AHCTF1: variants seen among roughly 807,000 people sequenced by gnomAD.
AHCTF1 encodes AT-hook containing transcription factor 1.
A neutral mutation model predicts 248.4 loss-of-function variants in AHCTF1; 24 were observed. The ratio of observed to expected loss-of-function variants is 0.10; its 90% CI spans 0.07 to 0.14. AHCTF1 has a LOEUF of 0.14. Among genes scored for constraint, AHCTF1 ranks in the 10% least tolerant of loss-of-function variants. The pLI is 1.00. For missense variants in AHCTF1, 2,206 were observed against 2,636.2 expected (o/e 0.84, Z 3.57); for synonymous variants, 786 against 929.8 (o/e 0.85, Z 2.81).
intron 24 of AHCTF1, among the ~76,000 whole-genome samples, chr1:246,868,333 C>G (rs1324828161): frequency 6.8e-6 from 1 of 146,256 alleles, no homozygotes; most frequent in Non-Finnish European, 1.5e-5. Flanking sequence ...GTTGGCCAGG[C>G]TGGTCTTGAA....
rs774160147 is a variant in AHCTF1 at position 246,850,731 on chromosome 1, A to C, written c.5275T>G (p.Ser1759Ala). ...VNVKSAQQEA[S>A]ADVATPKMPG... ...ATCTTAGGAGTAGCAACATCTGCTG[A>C]TGCTTCCTGTTGTGCTGATTTGACA... The change falls in exon 33 of 36, where the codon TCA becomes GCA. Residue 1759 changes from serine to alanine, a missense_variant. Ser to Ala is a moderately conservative substitution (Grantham distance 99). Transcript: ENST00000648844. The C allele has an allele frequency of 3.7e-6, 6 of 1,613,838 alleles. No homozygotes were observed. Among genetic ancestry groups the C allele is most frequent in the Non-Finnish European group, 5.1e-6 (6 of 1,179,854 alleles).
At chr1:246,892,301 C>CTTTTTTTTT (rs74163502) in intron 14 of AHCTF1, among the ~76,000 whole-genome samples, 8 of 64,966 alleles carry the variant, frequency 1.2e-4, no homozygotes, top group African/African-American at 3.1e-4. Flanking sequence ...ATTTGTTTTA[C>CTTTTTTTTT]TTTTTTTTTT....
chr1:246,845,931 C>T (rs1660225747), intron 33 of AHCTF1, among the ~76,000 whole-genome samples: 1 of 150,850 alleles, frequency 6.6e-6, no homozygotes, highest in African/African-American at 2.4e-5. Flanking sequence ...TCTTACCAGC[C>T]AGTAGTAGCA....
intron 2 of AHCTF1, among the ~76,000 whole-genome samples, chr1:246,917,823 T>C (rs1315561553): frequency 6.6e-6 from 1 of 152,242 alleles, no homozygotes; most frequent in African/African-American, 2.4e-5. Flanking sequence ...CATTAAGATC[T>C]TATTCAGGTA....
At chr1:246,898,131 T>C in intron 12 of AHCTF1, 77 bp downstream of exon 12, 1 of 1,579,586 alleles carries the variant, frequency 6.3e-7, no homozygotes, top group Middle Eastern at 2.3e-4. Flanking sequence ...AGAAATTATC[T>C]AATACATTTT....
chr1:246,918,973 C>T (rs1666337411), intron 1 of AHCTF1, among the ~76,000 whole-genome samples: 1 of 152,006 alleles, frequency 6.6e-6, no homozygotes, highest in African/African-American at 2.4e-5. Context: ...TCACAGAAAC[C>T]CCAGAAATCA....
At chr1:246,855,638 A>G in intron 31 of AHCTF1, 92 bp downstream of exon 31, 1 of 1,007,166 alleles carries the variant, frequency 9.9e-7, no homozygotes, top group Non-Finnish European at 1.5e-6. Flanking sequence ...AAATCTGAAT[A>G]ACACAATAGA....
intron 1 of AHCTF1, among the ~76,000 whole-genome samples, chr1:246,921,264 T>C (rs1666531661): frequency 6.6e-6 from 1 of 152,136 alleles, no homozygotes; most frequent in South Asian, 2.1e-4. Flanking sequence ...CACAGTGGAT[T>C]TGAGAGAGAA....
At position 246,877,089 on chromosome 1, in the gene AHCTF1, G is replaced by C. The variant is rs944983565; in HGVS notation, c.2806-8C>G. 3 of 1,612,034 alleles carry C rather than the reference G, an allele frequency of 1.9e-6. No homozygotes were observed. Among genetic ancestry groups the C allele is most frequent in the African/African-American group, 2.7e-5 (2 of 74,854 alleles). On this transcript the variant is annotated splice_region_variant and splice_polypyrimidine_tract_variant and intron_variant, in intron 22 of 35. Coordinates refer to ENST00000648844, the MANE Select transcript of AHCTF1 (RefSeq NM_001323342.2). ...AAATTTCACTAAACATTCCTAAAAA[G>C]AACAAAATAGATTGTAAACTACCAA...
chr1:246,840,109 T>C lies in AHCTF1; in HGVS notation c.*697A>G, dbSNP rs1659751154. ...CCCTTTGTCAAACCCTTTGATAAGG[T>C]TGCAAGTGAGCAGTGAACCGGTCAA... On this transcript the variant is annotated 3_prime_UTR_variant, in exon 36 of 36. Coordinates refer to ENST00000648844, the MANE Select transcript of AHCTF1 (RefSeq NM_001323342.2). The C allele has an allele frequency of 6.6e-6, 1 of 152,626 alleles. No individual in the cohort carries two copies. The highest frequency in any genetic ancestry group is 1.5e-5 in the Non-Finnish European group (1 of 68,032). The allele number at this position is 152,626 out of a possible 1,614,324, so 9.5% of individuals were successfully genotyped here.
Position 246,860,926 on chromosome 1 carries a change from T to A in AHCTF1, c.4105A>T (p.Thr1369Ser). 6.2e-7 allele frequency: 1 copy of A among 1,611,124 alleles called. No homozygotes were observed. The highest frequency in any genetic ancestry group is 1.3e-5 in the African/African-American group (1 of 74,956). ...ATTTGTTTCTGTAGGTCTGAAGGAG[T>A]TACTTCTGATGCAAATACATCTTTA... Reference protein sequence around the residue: ...GDKDVFASEVTPSDLQKQMGN... With the variant: ...GDKDVFASEVSPSDLQKQMGN... The change falls in exon 29 of 36, where the codon ACT (threonine) becomes TCT (serine). Residue 1369 changes from threonine to serine, a missense_variant. Physicochemically the swap from Thr to Ser is moderately conservative, Grantham distance 58. Coordinates refer to ENST00000648844, the MANE Select transcript of AHCTF1 (RefSeq NM_001323342.2).
chr1:246,867,461 A>C, intron 25 of AHCTF1, 110 bp from the exon 26 acceptor site: 1 of 988,346 alleles, frequency 1.0e-6, no homozygotes, highest in Non-Finnish European at 1.5e-6. Flanking sequence ...ACAGTTCTGC[A>C]TTGCTTACAA....
chr1:246,931,244 G>C lies in AHCTF1; in HGVS notation c.-8+334C>G, dbSNP rs572560433. On this transcript the variant is annotated intron_variant, in intron 1 of 35. Transcript: ENST00000648844. ...GAGTCCATCGCGTGGGAGAACAGTG[G>C]GAAAGGGTCGCGGCCCCGGCCGTCC... 3.2e-6 allele frequency: 5 copies of C among 1,549,802 alleles called. No homozygotes were observed. The African/African-American group carries it at 5.5e-5, about 17-fold the overall frequency.
At position 246,853,093 on chromosome 1, in the gene AHCTF1, G is replaced by C; in HGVS notation, c.4561C>G (p.His1521Asp). 1 of 1,600,624 alleles carries C rather than the reference G, an allele frequency of 6.2e-7. No individual in the cohort carries two copies. Among genetic ancestry groups the C allele is most frequent in the Non-Finnish European group, 8.5e-7 (1 of 1,175,648 alleles). ...SDSPPDTQEI[H>D]VIEQEKLEAQ... is the part of the protein sequence containing the mutation. The stretch of plus-strand genomic sequence containing the variant: ...AGTAAAAAATTAATTTTTTTTACAT[G>C]AATTTCTTGAGTATCAGGAGGGCTG... The change falls in exon 32 of 36, where the codon CAT becomes GAT. Residue 1521 changes from histidine (H) to aspartate (D), a missense_variant and splice_region_variant. His to Asp is a moderately conservative substitution (Grantham distance 81). This residue lies in a region of AHCTF1 where 955 missense variants were observed against 1,055.6 expected (regional missense o/e 0.90). Transcript: ENST00000648844.
chr1:246,921,511 G>C (rs181492771), intron 1 of AHCTF1, among the ~76,000 whole-genome samples: 375 of 152,288 alleles, frequency 2.5e-3, no homozygotes, highest in Non-Finnish European at 4.5e-3. Context: ...AGCACAAAGG[G>C]ATGAGTAGTT....
chr1:246,869,004 C>G (rs1341729247), intron 24 of AHCTF1, among the ~76,000 whole-genome samples: 1 of 151,478 alleles, frequency 6.6e-6, no homozygotes, highest in African/African-American at 2.4e-5. Context: ...GCCACCATGC[C>G]TGGCTAACTT....
chr1:246,877,929 A>AT (rs1015508001), intron 21 of AHCTF1, among the ~76,000 whole-genome samples: 1 of 151,460 alleles, frequency 6.6e-6, no homozygotes, highest in African/African-American at 2.4e-5. Flanking sequence ...ATTTATTTTT[A>AT]TTTTTTTTAA....
Position 246,888,224 on chromosome 1 carries a change from C to G in AHCTF1, c.2278G>C (p.Asp760His). Residue 760 changes from aspartate to histidine, a missense_variant, in exon 19 of 36, where the codon GAT becomes CAT. This residue lies in a region of AHCTF1 where 650 missense variants were observed against 870.8 expected (regional missense o/e 0.75). Coordinates refer to ENST00000648844, the MANE Select transcript of AHCTF1 (RefSeq NM_001323342.2). ...YPPASLHAVL[D>H]MYLLDGVTEA... ...GTAACGCCGTCTAATAGGTACATAT[C>G]AAGTACTGCCTATAAAACAAAGGGA... 6.2e-7 allele frequency: 1 copy of G among 1,614,028 alleles called. No individual in the cohort carries two copies. Among genetic ancestry groups the G allele is most frequent in the Non-Finnish European group, 8.5e-7 (1 of 1,179,946 alleles).
intron 29 of AHCTF1, 46 bp downstream of exon 29, chr1:246,860,853 G>A: frequency 6.4e-7 from 1 of 1,573,288 alleles, no homozygotes; most frequent in East Asian, 2.3e-5. Context: ...AAACTTTATT[G>A]AGGGACATTA....
Sources: gnomAD v4.1 joint callset for allele counts (sites outside exome capture counted in the v4.1 genomes callset) on GRCh38, gnomAD v4.1.1 for gene constraint, gnomAD v4.1.1 regional missense constraint, MANE v1.5 for transcripts, NCBI Gene and HGNC (gene_info 2026-07-23, HGNC 2026-07-21) for gene names.